The following SYNPR variants were observed in gnomAD, a reference collection of about 807,000 sequenced individuals.
SYNPR encodes synaptoporin.
Under a neutral mutation model 32.9 loss-of-function variants are expected in SYNPR, and 23 were observed. The ratio of observed to expected loss-of-function variants is 0.70; its 90% confidence interval spans 0.50 to 0.99. The LOEUF is 0.99. Ranked by LOEUF, SYNPR falls within the 50% of genes least tolerant of loss-of-function variation. The probability of loss-of-function intolerance (pLI) is 0.00; values close to 1 mark genes in which losing one functional copy is unlikely to be tolerated. For missense variants in SYNPR, 318 were observed against 349.3 expected, an observed-to-expected ratio of 0.91 and a Z score of 0.71; for synonymous variants, 146 against 135.9, an observed-to-expected ratio of 1.07 and a Z score of -0.52.
chr3:63,531,506 T>C (rs1289401436), intron 3 of SYNPR, among the ~76,000 whole-genome samples: 5 of 152,180 alleles, frequency 3.3e-5, no homozygotes, highest in Admixed American at 6.5e-5. Context: ...CACATTAGGT[T>C]AGAGGTCCAC....
intron 2 of SYNPR, among the ~76,000 whole-genome samples, chr3:63,455,756 G>GGGGTGTGTGT (rs1553637948): frequency 6.9e-6 from 1 of 144,282 alleles, no homozygotes; most frequent in African/African-American, 2.6e-5. Context: ...TCATGTTTGG[G>GGGGTGTGTGT]GTGTGTGTGT....
intron 2 of SYNPR, among the ~76,000 whole-genome samples, chr3:63,370,320 A>C (rs749056676): frequency 3.3e-5 from 5 of 152,192 alleles, no homozygotes; most frequent in Non-Finnish European, 7.3e-5. Context: ...TCATTTAGAA[A>C]ATCAGGCCCT....
At chr3:63,277,942 T>G (rs2086592054), upstream of SYNPR, among the ~76,000 whole-genome samples, 1 of 151,948 alleles carries the variant, frequency 6.6e-6, no homozygotes, top group Non-Finnish European at 1.5e-5. Context: ...CAACAAATAG[T>G]TATTTTTTTA....
intron 2 of SYNPR, among the ~76,000 whole-genome samples, chr3:63,447,773 CA>C (rs2107170720): frequency 6.6e-6 from 1 of 151,642 alleles, no homozygotes; most frequent in African/African-American, 2.4e-5. Flanking sequence ...AAATTCTAGC[CA>C]AAAGTACTAT....
At chr3:63,480,045 C>G (rs1191422424) in intron 2 of SYNPR, among the ~76,000 whole-genome samples, 2 of 152,142 alleles carry the variant, frequency 1.3e-5, no homozygotes, top group African/African-American at 4.8e-5. Flanking sequence ...ATGAAATGAA[C>G]AAAGTTTAGC....
the SYNPR span, among the ~76,000 whole-genome samples, chr3:63,202,284 A>T: frequency 6.6e-6 from 1 of 152,114 alleles, no homozygotes; most frequent in South Asian, 2.1e-4. Context: ...AAGTTTGGGG[A>T]TATATGTTTC....
chr3:63,408,319 G>A (rs140964547), intron 2 of SYNPR, among the ~76,000 whole-genome samples: 943 of 16,680 alleles, frequency 0.057, 52 homozygotes, highest in Middle Eastern at 0.14. Flanking sequence ...AAGGAAGGAA[G>A]GAAAGAAAGA....
intron 2 of SYNPR, among the ~76,000 whole-genome samples, chr3:63,444,868 T>C (rs1238764732): frequency 1.3e-5 from 2 of 151,990 alleles, no homozygotes. Context: ...GCCTTGTTAC[T>C]GGTCCCAATA....
At chr3:63,237,724 C>T (rs11927571) in intron 1 of SYNPR, among the ~76,000 whole-genome samples, 2,410 of 152,054 alleles carry the variant, frequency 0.016, 53 homozygotes, top group African/African-American at 0.054. Context: ...CTCGTTTTGT[C>T]GGCTGTGATG....
chr3:63,376,906 A>G (rs975953506), intron 2 of SYNPR, among the ~76,000 whole-genome samples: 3 of 152,034 alleles, frequency 2.0e-5, no homozygotes, highest in Non-Finnish European at 2.9e-5. Flanking sequence ...TCTCTATTGT[A>G]TTCCTAGAGC....
chr3:63,370,870 A>T (rs2087803166), intron 2 of SYNPR, among the ~76,000 whole-genome samples: 1 of 152,154 alleles, frequency 6.6e-6, no homozygotes, highest in Non-Finnish European at 1.5e-5. Context: ...AACACAGTGG[A>T]TTCATAAACC....
At chr3:63,274,336 A>G (rs193133504), upstream of SYNPR, among the ~76,000 whole-genome samples, 5 of 152,312 alleles carry the variant, frequency 3.3e-5, no homozygotes, top group East Asian at 9.6e-4. Flanking sequence ...AGTTTGACTC[A>G]AGATTAACCC....
chr3:63,342,491 T>G (rs1055702455), intron 2 of SYNPR, among the ~76,000 whole-genome samples: 4 of 152,250 alleles, frequency 2.6e-5, no homozygotes, highest in Admixed American at 6.5e-5. Context: ...TGTGTAGTTA[T>G]TTTCTTACAT....
intron 2 of SYNPR, among the ~76,000 whole-genome samples, chr3:63,302,851 T>C (rs1200897309): frequency 1.1e-4 from 17 of 151,956 alleles, no homozygotes; most frequent in African/African-American, 2.4e-5. Context: ...ATCAGTAGGG[T>C]GACTATAGTT....
chr3:63,350,816 T>C (rs1457347954), intron 2 of SYNPR, among the ~76,000 whole-genome samples: 1 of 152,178 alleles, frequency 6.6e-6, no homozygotes, highest in Non-Finnish European at 1.5e-5. Flanking sequence ...TCCCTCCCAA[T>C]TAATAGTTGG....
intron 2 of SYNPR, among the ~76,000 whole-genome samples, chr3:63,352,041 C>T (rs1299177866): frequency 6.6e-6 from 1 of 151,984 alleles, no homozygotes; most frequent in Middle Eastern, 3.2e-3. Context: ...AAGGAAGAAG[C>T]CAGCCCTGTG....
At position 63,382,051 on chromosome 3, in the gene SYNPR, C is replaced by A. The variant is rs561248232; in HGVS notation, c.85-98781C>A. 1.4e-4 allele frequency among the ~76,000 whole-genome samples: 22 copies of A among 152,286 alleles called. No homozygotes were observed. The South Asian group carries it at 4.6e-3, about 32-fold the overall frequency. On this transcript the variant is annotated intron_variant, in intron 2 of 5. Transcript: ENST00000478300. ...TTTTTAAACATTTCTTTTAAATACA[C>A]TTACAACTACATCAGACAATGTTAT...
chr3:63,472,983 C>T (rs561043984), intron 2 of SYNPR, among the ~76,000 whole-genome samples: 5 of 152,182 alleles, frequency 3.3e-5, no homozygotes, highest in South Asian at 2.1e-4. Context: ...CACGGGCTGT[C>T]GTTTTTGGAT....
At chr3:63,417,649 A>C (rs1031473863) in intron 2 of SYNPR, among the ~76,000 whole-genome samples, 2 of 152,200 alleles carry the variant, frequency 1.3e-5, no homozygotes, top group African/African-American at 2.4e-5. Flanking sequence ...TCTGAAATCT[A>C]GGTGGAGGTT....
Sources: gnomAD v4.1 joint callset for allele counts (sites outside exome capture counted in the v4.1 genomes callset) on GRCh38, gnomAD v4.1.1 for gene constraint, MANE v1.5 for transcripts, NCBI Gene and HGNC (gene_info 2026-07-23, HGNC 2026-07-21) for gene names.